Variants in CSTF3 observed in about 807,000 individuals in gnomAD.
CSTF3 encodes the protein cleavage stimulation factor subunit 3.
A neutral mutation model predicts 105.8 loss-of-function variants in CSTF3; 29 were observed. The observed-to-expected ratio is 0.27, with a 90% confidence interval of 0.20 to 0.37. The LOEUF is 0.37. Ranked by LOEUF, CSTF3 falls within the 10% of genes least tolerant of loss-of-function variation. CSTF3 has a pLI of 1.00. For synonymous variants in CSTF3, 252 were observed against 281.9 expected (o/e 0.89, Z 1.06); for missense variants, 357 against 879.3 (o/e 0.41, Z 7.51).
At chr11:33,096,639 G>A (rs976426921) in intron 14 of CSTF3, among the ~76,000 whole-genome samples, 196 bp downstream of exon 14, 3 of 152,182 alleles carry the variant, frequency 2.0e-5, no homozygotes, top group African/African-American at 4.8e-5. Flanking sequence ...TAGAAATATA[G>A]TGATTAATGA....
In CSTF3 at chr11:33,099,230, CTTTAT is replaced by C. The variant is rs577208868; in HGVS notation, c.937-85_937-81del. ...AATAAAATTAATAAAGTTACATCTA[CTTTAT>C]TTTATTTATGTGTCTAAGAAAGCAT... On this transcript the variant is annotated intron_variant, in intron 11 of 20. Transcript: ENST00000323959. This position sits in a 1 kb window ranked among gnomAD's most constrained non-coding sequence, Gnocchi z 4.1. 35 of 1,492,524 alleles carry C rather than the reference CTTTAT, an allele frequency of 2.3e-5. No individual in the cohort carries two copies. The highest frequency in any genetic ancestry group is 1.4e-4 in the East Asian group (6 of 41,630). 92.5% of individuals were successfully genotyped at this position (1,492,524 alleles called of 1,614,324 possible). A position where few individuals can be genotyped will look rare whatever the true frequency, so the allele number is the denominator to read the frequency against.
intron 3 of CSTF3, among the ~76,000 whole-genome samples, chr11:33,133,803 C>G (rs187257217): frequency 8.9e-4 from 135 of 152,176 alleles, no homozygotes; most frequent in African/African-American, 3.2e-3. Flanking sequence ...GAGCAAGACT[C>G]AAAAACAAAA....
chr11:33,155,183 C>T (rs1358899902), intron 1 of CSTF3, among the ~76,000 whole-genome samples: 1 of 151,800 alleles, frequency 6.6e-6, no homozygotes, highest in African/African-American at 2.4e-5. Context: ...AGTGAAACCC[C>T]ATCTCTATTA....
intron 15 of CSTF3, among the ~76,000 whole-genome samples, chr11:33,094,192 A>G (rs1855196375): frequency 1.3e-5 from 2 of 152,226 alleles, no homozygotes; most frequent in South Asian, 4.1e-4. Context: ...TTATGGAATA[A>G]TCACAACATT....
intron 3 of CSTF3, chr11:33,136,253 C>T (rs926364841): frequency 6.6e-6 from 1 of 152,182 alleles, no homozygotes; most frequent in African/African-American, 2.4e-5. Context: ...AGACTTCAAC[C>T]TATTATGCCA....
intron 1 of CSTF3, among the ~76,000 whole-genome samples, chr11:33,160,013 T>C (rs1038236136): frequency 6.6e-6 from 1 of 152,104 alleles, no homozygotes; most frequent in Admixed American, 6.6e-5. Context: ...CGTGTCTTTG[T>C]AATTTTAGAT....
intron 3 of CSTF3, among the ~76,000 whole-genome samples, chr11:33,115,466 G>A (rs1445908332): frequency 6.6e-6 from 1 of 152,194 alleles, no homozygotes; most frequent in East Asian, 1.9e-4. Context: ...AGCTGCTGGA[G>A]TGGTTGCAGA....
chr11:33,156,621 AG>A lies in CSTF3; in HGVS notation c.27+4677del. 1.8e-5 allele frequency: 8 copies of A among 440,152 alleles called. 1 individual carries two copies. Among genetic ancestry groups the A allele is most frequent in the South Asian group, 1.3e-4 (8 of 62,020 alleles). The allele number at this position is 440,152 out of a possible 1,614,324, so 27.3% of individuals were successfully genotyped here. The stretch of plus-strand genomic sequence containing the variant: ...AGAATCATGTAGCTTTTCCAAGCTG[AG>A]GATCATTTGGCTTGTATTTTAGGCC... On this transcript the variant is annotated intron_variant, in intron 1 of 20. Transcript: ENST00000323959.
At chr11:33,157,647 CT>C (rs1849884563) in intron 1 of CSTF3, among the ~76,000 whole-genome samples, 1 of 152,036 alleles carries the variant, frequency 6.6e-6, no homozygotes, top group Non-Finnish European at 1.5e-5. Context: ...TAATTTCCCT[CT>C]GTTAGGGGGC....
chr11:33,108,738 C>T (rs1426616057), intron 3 of CSTF3, among the ~76,000 whole-genome samples: 1 of 152,160 alleles, frequency 6.6e-6, no homozygotes, highest in Non-Finnish European at 1.5e-5. Context: ...GATGTATCCA[C>T]TGAAGAAAAA....
At chr11:33,136,790 C>T (rs1311299373) in intron 3 of CSTF3, among the ~76,000 whole-genome samples, 1 of 151,862 alleles carries the variant, frequency 6.6e-6, no homozygotes, top group African/African-American at 2.4e-5. Flanking sequence ...ATCTTTAATA[C>T]CTTTTGGGAC....
chr11:33,140,899 G>C (rs1855704110), intron 3 of CSTF3: 1 of 151,658 alleles, frequency 6.6e-6, no homozygotes, highest in African/African-American at 2.4e-5. Context: ...ATGACTACTT[G>C]GTGCCAATTG....
At chr11:33,157,748 C>G (rs1849885439) in intron 1 of CSTF3, among the ~76,000 whole-genome samples, 1 of 152,218 alleles carries the variant, frequency 6.6e-6, no homozygotes, top group Admixed American at 6.5e-5. Context: ...ATTCTACAAA[C>G]TTGAACTTCA....
intron 3 of CSTF3, among the ~76,000 whole-genome samples, chr11:33,116,654 G>A (rs76619221): frequency 6.6e-6 from 1 of 152,190 alleles, no homozygotes; most frequent in African/African-American, 2.4e-5. Flanking sequence ...CTGACACACA[G>A]AAAACCTTAC....
At chr11:33,092,457 T>C (rs1855179218) in intron 15 of CSTF3, 117 bp from the exon 16 acceptor site, 1 of 574,956 alleles carries the variant, frequency 1.7e-6, no homozygotes, top group Non-Finnish European at 2.9e-6. Context: ...GGTTTAACTA[T>C]TATCACACTT....
chr11:33,153,158 G>A (rs1054258814), intron 1 of CSTF3, among the ~76,000 whole-genome samples: 1 of 151,288 alleles, frequency 6.6e-6, no homozygotes, highest in Non-Finnish European at 1.5e-5. Flanking sequence ...ACATTTTCAT[G>A]ATCTTTTAAA....
At chr11:33,133,985 C>A (rs1855626787) in intron 3 of CSTF3, among the ~76,000 whole-genome samples, 1 of 152,126 alleles carries the variant, frequency 6.6e-6, no homozygotes, top group Non-Finnish European at 1.5e-5. Flanking sequence ...TGAATTGCAT[C>A]ACTCAACTGT....
At chr11:33,112,733 A>G (rs140037810) in intron 3 of CSTF3, among the ~76,000 whole-genome samples, 7 of 152,338 alleles carry the variant, frequency 4.6e-5, no homozygotes, top group African/African-American at 1.4e-4. Context: ...ACATGAAAAC[A>G]TCTTAGCTAT....
chr11:33,131,491 TA>T (rs1198937451), intron 3 of CSTF3, among the ~76,000 whole-genome samples: 1 of 152,182 alleles, frequency 6.6e-6, no homozygotes, highest in East Asian at 1.9e-4. Flanking sequence ...TCAGTTCGTA[TA>T]ATGGCTAGTG....
Sources: allele counts gnomAD v4.1 joint callset (sites outside exome capture counted in the v4.1 genomes callset), GRCh38; gene constraint gnomAD v4.1.1; non-coding constraint Gnocchi (gnomAD v3.1); transcripts MANE v1.5; gene names NCBI Gene and HGNC (gene_info 2026-07-23, HGNC 2026-07-21).